Variants in MAPK4 observed in about 807,000 individuals in gnomAD.
The protein encoded by MAPK4 is mitogen-activated protein kinase 4, also known as Erk3-related.
In MAPK4, 22 loss-of-function variants were observed where a neutral mutation model predicts 47.7. The observed-to-expected ratio is 0.46, with a 90% CI of 0.33 to 0.66. The LOEUF (loss-of-function observed/expected upper bound fraction) is 0.66, where lower values mean the gene tolerates loss of function less well. Ranked by LOEUF, MAPK4 falls within the 30% of genes least tolerant of loss-of-function variation. MAPK4 has a pLI of 0.02. For missense variants in MAPK4, 736 were observed against 831.7 expected, an observed-to-expected ratio of 0.88 and a Z score of 1.42; for synonymous variants, 390 against 365.7, an observed-to-expected ratio of 1.07 and a Z score of -0.76.
At chr18:50,690,054 G>A (rs1909122912) in intron 2 of MAPK4, among the ~76,000 whole-genome samples, 1 of 152,160 alleles carries the variant, frequency 6.6e-6, no homozygotes, top group Non-Finnish European at 1.5e-5. Flanking sequence ...GGCAGGAAGA[G>A]TTTGGGGAAG....
At chr18:50,624,268 G>T (rs140836734) in intron 1 of MAPK4, among the ~76,000 whole-genome samples, 136 of 152,314 alleles carry the variant, frequency 8.9e-4, no homozygotes, top group African/African-American at 3.1e-3. Context: ...GCTTTGTATG[G>T]CCTGTTGCAC....
intron 1 of MAPK4, among the ~76,000 whole-genome samples, chr18:50,609,133 C>G (rs2042608608): frequency 6.6e-6 from 1 of 152,068 alleles, no homozygotes; most frequent in Admixed American, 6.5e-5. Context: ...TCTACACAGA[C>G]AGCAACAATC....
chr18:50,590,392 A>T (rs1226136893), intron 1 of MAPK4, among the ~76,000 whole-genome samples: 1 of 152,192 alleles, frequency 6.6e-6, no homozygotes, highest in Non-Finnish European at 1.5e-5. Flanking sequence ...GGAGGATTTG[A>T]GCTCATTCAC....
chr18:50,582,256 A>C (rs540173809), intron 1 of MAPK4, among the ~76,000 whole-genome samples: 57 of 152,146 alleles, frequency 3.7e-4, no homozygotes, highest in Admixed American at 9.8e-4. Flanking sequence ...TCCTAGTGGC[A>C]AGCTCTCCTG....
intron 1 of MAPK4, among the ~76,000 whole-genome samples, chr18:50,659,731 G>A (rs906823146): frequency 2.0e-5 from 3 of 152,168 alleles, no homozygotes; most frequent in Non-Finnish European, 4.4e-5. Flanking sequence ...CCATGGAATC[G>A]TGGGGACCTT....
rs72917691 is a variant in MAPK4, at chr18:50,611,103, T to G, written c.-871+50860T>G. Among the ~76,000 whole-genome samples, 735 of 152,258 alleles carry G rather than the reference T, an allele frequency of 4.8e-3. 2 individuals carry two copies. Among genetic ancestry groups the G allele is most frequent in the Non-Finnish European group, 7.8e-3 (529 of 68,028 alleles). On this transcript the variant is annotated intron_variant, in intron 1 of 5. Coordinates refer to ENST00000400384, the MANE Select transcript of MAPK4 (RefSeq NM_002747.4). ...TGACAGTCTTCTTACATGAGTGACATGAACCCAACAAGCAAAGAGCAGGTT... is the reference window on the plus strand; with the variant it reads ...TGACAGTCTTCTTACATGAGTGACAGGAACCCAACAAGCAAAGAGCAGGTT...
chr18:50,636,286 C>T lies in MAPK4; in HGVS notation c.-870-26803C>T, dbSNP rs561615411. ...TTACCTCCATCTGCAGCTCAACTTCCATTTCTGTGATTATTTGATCAATAT... is the reference window on the plus strand; with the variant it reads ...TTACCTCCATCTGCAGCTCAACTTCTATTTCTGTGATTATTTGATCAATAT... On this transcript the variant is annotated intron_variant, in intron 1 of 5. Transcript: ENST00000400384. Among the ~76,000 whole-genome samples, 6 of 152,318 alleles carry T rather than the reference C, an allele frequency of 3.9e-5. No individual in the cohort carries two copies. In the East Asian group the frequency reaches 1.2e-3, roughly 29 times the overall value.
chr18:50,597,644 A>G (rs566039171), intron 1 of MAPK4, among the ~76,000 whole-genome samples: 9 of 152,334 alleles, frequency 5.9e-5, no homozygotes, highest in African/African-American at 1.9e-4. Context: ...GAAAGAAGAC[A>G]TTGATCATGT....
At chr18:50,632,858 G>T (rs914761923) in intron 1 of MAPK4, among the ~76,000 whole-genome samples, 4 of 152,166 alleles carry the variant, frequency 2.6e-5, no homozygotes, top group African/African-American at 9.7e-5. Context: ...GACCTCAGGT[G>T]ATCCACCTGC....
rs1448843246 is a variant in MAPK4 at position 50,678,377 on chromosome 18, C to T, written c.546+13873C>T. Among the ~76,000 whole-genome samples the T allele has an allele frequency of 6.6e-6, 1 of 152,196 alleles. No homozygotes were observed. Among genetic ancestry groups the T allele is most frequent in the Non-Finnish European group, 1.5e-5 (1 of 68,038 alleles). On this transcript the variant is annotated intron_variant, in intron 2 of 5. Coordinates refer to ENST00000400384, the MANE Select transcript of MAPK4 (RefSeq NM_002747.4). The surrounding 1 kb of genome is among the most constrained non-coding windows in gnomAD (Gnocchi z 4.2). ...CCTCTAGTACTGTGGTTATACACTACAGGTGATATTCAAGATATTTAACAA... is the reference window on the plus strand; with the variant it reads ...CCTCTAGTACTGTGGTTATACACTATAGGTGATATTCAAGATATTTAACAA...
chr18:50,712,175 C>G (rs568969421), intron 2 of MAPK4, among the ~76,000 whole-genome samples: 9 of 152,260 alleles, frequency 5.9e-5, no homozygotes, highest in African/African-American at 2.2e-4. Flanking sequence ...GCCTGTAATC[C>G]CAGCACTTCG....
intron 4 of MAPK4, among the ~76,000 whole-genome samples, chr18:50,724,394 A>G (rs796330716): frequency 1.8e-4 from 27 of 152,290 alleles, no homozygotes; most frequent in African/African-American, 6.3e-4. Context: ...CTCAATCTTT[A>G]CAGCTTTAAT....
At chr18:50,582,554 G>GT (rs1322656812) in intron 1 of MAPK4, among the ~76,000 whole-genome samples, 15 of 152,264 alleles carry the variant, frequency 9.9e-5, no homozygotes, top group Non-Finnish European at 1.3e-4. Context: ...GCACCTAGAA[G>GT]TTTTTTAGCA....
chr18:50,658,739 T>C lies in MAPK4; in HGVS notation c.-870-4350T>C, dbSNP rs192038819. Among the ~76,000 whole-genome samples, 5 of 152,228 alleles carry C rather than the reference T, an allele frequency of 3.3e-5. No individual in the cohort carries two copies. The East Asian group carries it at 9.7e-4, about 29-fold the overall frequency. ...GGGCCCTGAGGGCATCAAATTTGCA[T>C]ATGAGCTGAACCAAGCCTCACCTCC... On this transcript the variant is annotated intron_variant, in intron 1 of 5. Coordinates refer to ENST00000400384, the MANE Select transcript of MAPK4 (RefSeq NM_002747.4).
chr18:50,711,555 C>G (rs145213686), intron 2 of MAPK4, among the ~76,000 whole-genome samples: 1 of 152,236 alleles, frequency 6.6e-6, no homozygotes, highest in Non-Finnish European at 1.5e-5. Context: ...GCAACAGCCG[C>G]GTGCAGACGC....
At chr18:50,710,509 G>A (rs534831162) in intron 2 of MAPK4, among the ~76,000 whole-genome samples, 4 of 151,630 alleles carry the variant, frequency 2.6e-5, no homozygotes, top group Non-Finnish European at 5.9e-5. Context: ...CAGGCGCGGA[G>A]GCTCACGCCT....
At chr18:50,626,817 C>G (rs1278904461) in intron 1 of MAPK4, among the ~76,000 whole-genome samples, 1 of 152,184 alleles carries the variant, frequency 6.6e-6, no homozygotes, top group Non-Finnish European at 1.5e-5. Context: ...GTGTGTTCCC[C>G]AACCCTGTGC....
intron 1 of MAPK4, among the ~76,000 whole-genome samples, chr18:50,567,838 AT>A (rs1209084746): frequency 1.7e-4 from 26 of 151,068 alleles, no homozygotes; most frequent in African/African-American, 6.1e-4. Context: ...AAAAAAAAAA[AT>A]GACCTGTCAT....
intron 1 of MAPK4, among the ~76,000 whole-genome samples, chr18:50,597,400 ACT>A (rs1443792472): frequency 1.4e-4 from 21 of 152,038 alleles, no homozygotes; most frequent in East Asian, 7.7e-4. Flanking sequence ...TGAAATCATG[ACT>A]CTGTCCTGCT....
Sources: gnomAD v4.1 joint callset for allele counts (sites outside exome capture counted in the v4.1 genomes callset) on GRCh38, gnomAD v4.1.1 for gene constraint, Gnocchi (gnomAD v3.1) non-coding constraint, MANE v1.5 for transcripts, NCBI Gene and HGNC (gene_info 2026-07-23, HGNC 2026-07-21) for gene names.